The following HEATR3 variants were observed in gnomAD, a reference collection of about 807,000 sequenced individuals.
The protein encoded by HEATR3 is HEAT repeat containing 3.
Under a neutral mutation model 72.8 loss-of-function variants are expected in HEATR3, and 56 were observed. The ratio of observed to expected loss-of-function variants is 0.77; its 90% confidence interval spans 0.62 to 0.96. The LOEUF (loss-of-function observed/expected upper bound fraction) is 0.96, where lower values mean the gene tolerates loss of function less well. Ranked by LOEUF, HEATR3 falls within the 40% of genes least tolerant of loss-of-function variation. The pLI, the probability that HEATR3 is intolerant of heterozygous loss-of-function variation, is 0.00. For synonymous variants in HEATR3, 331 were observed against 318.1 expected, an observed-to-expected ratio of 1.04 and a Z score of -0.43; for missense variants, 747 against 831.4, an observed-to-expected ratio of 0.90 and a Z score of 1.25.
At chr16:50,085,888 G>T (rs1042641409) in intron 10 of HEATR3, among the ~76,000 whole-genome samples, 1 of 151,954 alleles carries the variant, frequency 6.6e-6, no homozygotes, top group Non-Finnish European at 1.5e-5. Context: ...ACTTAGCCAG[G>T]TGTGGTTGCA....
chr16:50,092,472 T>C (rs113684114), intron 11 of HEATR3, among the ~76,000 whole-genome samples: 3,773 of 145,776 alleles, frequency 0.026, 170 homozygotes, highest in African/African-American at 0.091. Flanking sequence ...AGTCTGGCTC[T>C]GTCGCCCAGG....
intron 4 of HEATR3, among the ~76,000 whole-genome samples, chr16:50,070,657 G>A (rs927908456): frequency 6.6e-6 from 1 of 152,062 alleles, no homozygotes; most frequent in South Asian, 2.1e-4. Flanking sequence ...AGCCAAGATC[G>A]TGCCACTGCA....
At chr16:50,102,507 G>T in intron 14 of HEATR3, 72 bp downstream of exon 14, 3 of 1,353,484 alleles carry the variant, frequency 2.2e-6, no homozygotes, top group Non-Finnish European at 3.1e-6. Context: ...TGTAGTTACC[G>T]CTGTGCAACT....
chr16:50,066,379 A>AG lies in HEATR3; in HGVS notation c.152dup (p.Ser51ArgfsTer63), dbSNP rs2036494479. 1 of 1,547,958 alleles carries AG rather than the reference A, an allele frequency of 6.5e-7. No individual in the cohort carries two copies. Among genetic ancestry groups the AG allele is most frequent in the Non-Finnish European group, 8.6e-7 (1 of 1,158,352 alleles). On this transcript the variant is annotated frameshift_variant, in exon 2 of 15. Transcript: ENST00000299192. LOFTEE classifies it high-confidence loss of function. ...CTCTCATCCGCAGCTCCAGCACCCG[A>AG]GCGCCGAGGTCCGCGAGTGCGCCTG...
intron 2 of HEATR3, 105 bp from the exon 3 acceptor site, chr16:50,068,675 C>A: frequency 2.4e-6 from 2 of 844,812 alleles, no homozygotes; most frequent in Admixed American, 2.1e-5. Context: ...TAAGCTATTT[C>A]CTCTGGGAAA....
At chr16:50,079,238 GAGA>G (rs1367827522) in intron 7 of HEATR3, among the ~76,000 whole-genome samples, 1 of 152,166 alleles carries the variant, frequency 6.6e-6, no homozygotes. Context: ...TTATATGCAG[GAGA>G]AGGTTTCAGA....
chr16:50,103,795 G>GT (rs1017169106), intron 14 of HEATR3, among the ~76,000 whole-genome samples: 1 of 152,204 alleles, frequency 6.6e-6, no homozygotes, highest in African/African-American at 2.4e-5. Context: ...GGAGCCCCAG[G>GT]TGGGAGGATC....
chr16:50,107,231 T>C lies in HEATR3; in HGVS notation c.*2170T>C, dbSNP rs1416925738. On this transcript the variant is annotated 3_prime_UTR_variant, in exon 15 of 15. Transcript: ENST00000299192. ...GACCTAGTATATAGTCGACTCTTCA[T>C]AAATATTTGTTGAGTAAATAAATGC... Among the ~76,000 whole-genome samples, 2 of 152,252 alleles carry C rather than the reference T, an allele frequency of 1.3e-5. No individual in the cohort carries two copies. The highest frequency in any genetic ancestry group is 2.4e-5 in the African/African-American group (1 of 41,468).
At chr16:50,083,829 C>A in intron 7 of HEATR3, 108 bp from the exon 8 acceptor site, 1 of 909,876 alleles carries the variant, frequency 1.1e-6, no homozygotes, top group Non-Finnish European at 1.7e-6. Flanking sequence ...CCCGTGTGCT[C>A]TATTCCAAGC....
rs2036488093 is a variant in HEATR3 at position 50,066,278 on chromosome 16, A to AG, written c.138+12dup. 3 of 1,576,098 alleles carry AG rather than the reference A, an allele frequency of 1.9e-6. No homozygotes were observed. The African/African-American group carries it at 4.1e-5, about 22-fold the overall frequency. ...CGGAGCTGCTGGAAAAGGTGAGGCGAGGGCTCCGTCGGGCCGGGAGGCGAG... is the reference window on the plus strand; with the variant it reads ...CGGAGCTGCTGGAAAAGGTGAGGCGAGGGGCTCCGTCGGGCCGGGAGGCGAG... On this transcript the variant is annotated intron_variant, in intron 1 of 14. Transcript: ENST00000299192.
intron 12 of HEATR3, among the ~76,000 whole-genome samples, chr16:50,097,366 G>C (rs1361729495): frequency 8.4e-6 from 1 of 118,920 alleles, no homozygotes; most frequent in Non-Finnish European, 1.7e-5. Flanking sequence ...TTTCAGAATA[G>C]CTATCCTAGC....
intron 11 of HEATR3, among the ~76,000 whole-genome samples, chr16:50,093,663 G>T (rs1187351056): frequency 3.3e-5 from 5 of 152,146 alleles, no homozygotes; most frequent in Admixed American, 6.5e-5. Context: ...TGGAAGACTC[G>T]CAGAGTATGG....
At chr16:50,084,543 T>TG in intron 9 of HEATR3, 26 bp from the exon 10 acceptor site, 1 of 1,518,398 alleles carries the variant, frequency 6.6e-7, no homozygotes, top group Non-Finnish European at 9.1e-7. Flanking sequence ...CTTTAACCTT[T>TG]GCTTTACTGC....
At chr16:50,083,353 A>AG (rs1384247213) in intron 7 of HEATR3, among the ~76,000 whole-genome samples, 1 of 152,076 alleles carries the variant, frequency 6.6e-6, no homozygotes, top group Non-Finnish European at 1.5e-5. Flanking sequence ...ATATTTTCAG[A>AG]GAAAAAAAAA....
chr16:50,069,268 T>A (rs2150594739), intron 3 of HEATR3: 1 of 167,368 alleles, frequency 6.0e-6, no homozygotes, highest in African/African-American at 2.4e-5. Flanking sequence ...GGCACAGACA[T>A]TAGGAACTTG....
At chr16:50,094,931 A>G (rs2037199596) in intron 12 of HEATR3, 138 bp downstream of exon 12, 1 of 491,168 alleles carries the variant, frequency 2.0e-6, no homozygotes, top group African/African-American at 2.0e-5. Context: ...AATAAAACAA[A>G]AGTGATTAAA....
At chr16:50,073,948 C>T (rs1303521229) in intron 5 of HEATR3, 1 of 152,136 alleles carries the variant, frequency 6.6e-6, no homozygotes, top group Non-Finnish European at 1.5e-5. Flanking sequence ...TTATAAGATT[C>T]CATCCCATGT....
At chr16:50,066,917 C>A in intron 2 of HEATR3, 1 of 207,362 alleles carries the variant, frequency 4.8e-6, no homozygotes, top group East Asian at 1.1e-4. Context: ...GATCTGTTGA[C>A]AGCCAAGATC....
intron 4 of HEATR3, among the ~76,000 whole-genome samples, chr16:50,071,213 ACT>A (rs140936993): frequency 0.078 from 11,813 of 152,202 alleles, 550 homozygotes; most frequent in Middle Eastern, 0.14. Context: ...TTCTAGCAAG[ACT>A]CTGTCACAGT....
Sources: gnomAD v4.1 joint callset for allele counts (sites outside exome capture counted in the v4.1 genomes callset) on GRCh38, gnomAD v4.1.1 for gene constraint, MANE v1.5 for transcripts, NCBI Gene and HGNC (gene_info 2026-07-23, HGNC 2026-07-21) for gene names.